CAB39: variants seen among roughly 807,000 people sequenced by gnomAD.
CAB39 encodes the protein calcium-binding protein 39.
Under a neutral mutation model 40.0 loss-of-function variants are expected in CAB39, and 8 were observed. The ratio of observed to expected loss-of-function variants is 0.20; its 90% confidence interval spans 0.12 to 0.36. The LOEUF (loss-of-function observed/expected upper bound fraction) is 0.36. CAB39 is among the 10% of genes least tolerant of loss of function. The probability of loss-of-function intolerance (pLI) is 1.00; values close to 1 mark genes in which losing one functional copy is unlikely to be tolerated. For synonymous variants in CAB39, 156 were observed against 141.6 expected (o/e 1.10, Z -0.72); for missense variants, 270 against 401.1 (o/e 0.67, Z 2.79).
chr2:230,783,014 G>C (rs1047638644), intron 2 of CAB39, among the ~76,000 whole-genome samples: 2 of 121,292 alleles, frequency 1.6e-5, no homozygotes, highest in Non-Finnish European at 3.5e-5. Context: ...GTTTTTAGTA[G>C]AGACGGGGTT....
At chr2:230,722,364 C>T (rs548620032) in intron 1 of CAB39, among the ~76,000 whole-genome samples, 27 of 151,966 alleles carry the variant, frequency 1.8e-4, no homozygotes, top group Non-Finnish European at 3.7e-4. Context: ...ACTATATTGC[C>T]CAGGCTGGCC....
intron 2 of CAB39, among the ~76,000 whole-genome samples, chr2:230,778,311 A>G (rs948443542): frequency 5.9e-5 from 9 of 152,170 alleles, no homozygotes; most frequent in Non-Finnish European, 1.2e-4. Context: ...GTTTGGATCT[A>G]CTGAGTGCTT....
intron 1 of CAB39, among the ~76,000 whole-genome samples, chr2:230,721,841 A>G (rs1045155783): frequency 2.6e-5 from 4 of 152,110 alleles, no homozygotes; most frequent in African/African-American, 9.7e-5. Context: ...CCTTCCTTCA[A>G]GTTTATTTGG....
Position 230,818,771 on chromosome 2 carries a change from T to A in CAB39, c.*67T>A. 8.3e-7 allele frequency: 1 copy of A among 1,211,692 alleles called. No individual in the cohort carries two copies. The highest frequency in any genetic ancestry group is 1.2e-6 in the Non-Finnish European group (1 of 839,700). 75.1% of individuals were successfully genotyped at this position (1,211,692 alleles called of 1,614,324 possible). On this transcript the variant is annotated 3_prime_UTR_variant, in exon 9 of 9. Transcript: ENST00000258418. Reference sequence around the variant, plus strand: ...CTGTTAGCTATTCAGCATCAGGCACTCTTATTGATTCATGAGGAACATTAC... The same window carrying A: ...CTGTTAGCTATTCAGCATCAGGCACACTTATTGATTCATGAGGAACATTAC...
At chr2:230,761,558 A>G (rs1695291399) in intron 2 of CAB39, among the ~76,000 whole-genome samples, 1 of 152,220 alleles carries the variant, frequency 6.6e-6, no homozygotes, top group African/African-American at 2.4e-5. Context: ...CATAAGGATT[A>G]TACTTCAGTG....
intron 4 of CAB39, among the ~76,000 whole-genome samples, chr2:230,794,335 G>T (rs1037719203): frequency 6.6e-6 from 1 of 152,122 alleles, no homozygotes; most frequent in Non-Finnish European, 1.5e-5. Flanking sequence ...AGAACTTTTG[G>T]CATCTAATTT....
At chr2:230,724,384 G>T (rs964878448) in intron 1 of CAB39, among the ~76,000 whole-genome samples, 3 of 151,690 alleles carry the variant, frequency 2.0e-5, no homozygotes, top group Non-Finnish European at 4.4e-5. Flanking sequence ...CTGATACATT[G>T]TTTAAGACCT....
intron 2 of CAB39, among the ~76,000 whole-genome samples, chr2:230,780,525 T>C (rs892242979): frequency 1.3e-5 from 2 of 152,254 alleles, no homozygotes; most frequent in African/African-American, 2.4e-5. Flanking sequence ...GTCTTTCTTA[T>C]GACTTTTATG....
intron 2 of CAB39, among the ~76,000 whole-genome samples, chr2:230,763,783 C>A (rs1695335587): frequency 1.3e-5 from 2 of 152,054 alleles, no homozygotes; most frequent in Non-Finnish European, 2.9e-5. Context: ...TTGAACGAAA[C>A]TTTTACCAGT....
At chr2:230,809,954 G>C (rs1696275828) in intron 5 of CAB39, among the ~76,000 whole-genome samples, 1 of 152,030 alleles carries the variant, frequency 6.6e-6, no homozygotes, top group East Asian at 1.9e-4. Flanking sequence ...GCCCACTTGG[G>C]GAGTGTTAAC....
intron 2 of CAB39, among the ~76,000 whole-genome samples, chr2:230,773,326 G>A (rs1249235041): frequency 1.3e-5 from 2 of 150,886 alleles, no homozygotes; most frequent in Admixed American, 6.6e-5. Flanking sequence ...GTGTGTGTGT[G>A]TGTGTGTGTG....
chr2:230,798,326 A>G lies in CAB39; in HGVS notation c.399-403A>G, dbSNP rs570693034. Among the ~76,000 whole-genome samples the G allele has an allele frequency of 2.6e-5, 4 of 152,252 alleles. No individual in the cohort carries two copies. The East Asian group carries it at 7.7e-4, about 29-fold the overall frequency. ...CTATTTAGATATTCTGAATTTGGGG[A>G]AATATTTTGTTTTCTGTTTTTTGAT... On this transcript the variant is annotated intron_variant, in intron 4 of 8. Transcript: ENST00000258418.
chr2:230,759,984 GC>G lies in CAB39; in HGVS notation c.-14del, dbSNP rs1321757616. 1.9e-5 allele frequency: 28 copies of G among 1,451,930 alleles called. No individual in the cohort carries two copies. The highest frequency in any genetic ancestry group is 2.8e-5 in the African/African-American group (2 of 71,848). 89.9% of individuals were successfully genotyped at this position (1,451,930 alleles called of 1,614,324 possible). On this transcript the variant is annotated 5_prime_UTR_variant, in exon 2 of 9. Coordinates refer to ENST00000258418, the MANE Select transcript of CAB39 (RefSeq NM_016289.4). ...GTAGCACAGGCGGAGTGCAGCGGAG[GC>G]CCCTGCCGCTGCCGTCATGCCGTTC...
At chr2:230,786,388 T>C (rs758884092) in intron 2 of CAB39, among the ~76,000 whole-genome samples, 1 of 152,028 alleles carries the variant, frequency 6.6e-6, no homozygotes, top group Admixed American at 6.6e-5. Flanking sequence ...GGAACAGCTT[T>C]ATTGAGATAT....
intron 1 of CAB39, among the ~76,000 whole-genome samples, chr2:230,741,660 G>A (rs1012879303): frequency 2.6e-5 from 4 of 152,104 alleles, no homozygotes; most frequent in Admixed American, 1.3e-4. Flanking sequence ...TGATCACATC[G>A]TAAGTTGGAA....
intron 1 of CAB39, among the ~76,000 whole-genome samples, chr2:230,729,425 G>C (rs946719334): frequency 1.3e-5 from 2 of 152,128 alleles, no homozygotes; most frequent in Non-Finnish European, 2.9e-5. Context: ...TTAAACCTGG[G>C]AAAACCAAGA....
At chr2:230,735,011 C>T (rs1315939623) in intron 1 of CAB39, among the ~76,000 whole-genome samples, 2 of 152,168 alleles carry the variant, frequency 1.3e-5, no homozygotes, top group Non-Finnish European at 2.9e-5. Flanking sequence ...AGCATTTTGG[C>T]TTATCTCATC....
intron 2 of CAB39, among the ~76,000 whole-genome samples, chr2:230,784,005 T>C (rs1200394750): frequency 6.6e-6 from 1 of 152,204 alleles, no homozygotes; most frequent in African/African-American, 2.4e-5. Context: ...AGGTGTGATG[T>C]GGAGAATGCA....
intron 1 of CAB39, among the ~76,000 whole-genome samples, chr2:230,756,300 A>G (rs542866352): frequency 2.0e-5 from 3 of 152,370 alleles, no homozygotes; most frequent in African/African-American, 7.2e-5. Context: ...CTCTTAGGCT[A>G]TAAACCTGTA....
Sources: allele counts gnomAD v4.1 joint callset (sites outside exome capture counted in the v4.1 genomes callset), GRCh38; gene constraint gnomAD v4.1.1; transcripts MANE v1.5; gene names NCBI Gene and HGNC (gene_info 2026-07-23, HGNC 2026-07-21).